Variants in PPP2R3A observed in about 807,000 individuals in gnomAD.
The protein encoded by PPP2R3A is serine/threonine-protein phosphatase 2A regulatory subunit B'' subunit alpha.
In PPP2R3A, 80 loss-of-function variants were observed where a neutral mutation model predicts 106.9. The observed-to-expected ratio is 0.75, with a 90% confidence interval of 0.62 to 0.90. The LOEUF is 0.90. Ranked by LOEUF, PPP2R3A falls within the 40% of genes least tolerant of loss-of-function variation. PPP2R3A has a pLI of 0.00. For missense variants in PPP2R3A, 1,386 were observed against 1,350.4 expected, an observed-to-expected ratio of 1.03 and a Z score of -0.41; for synonymous variants, 483 against 468.3, an observed-to-expected ratio of 1.03 and a Z score of -0.41.
At chr3:136,046,652 C>T (rs1286837336) in intron 4 of PPP2R3A, among the ~76,000 whole-genome samples, 1 of 152,196 alleles carries the variant, frequency 6.6e-6, no homozygotes, top group Non-Finnish European at 1.5e-5. Flanking sequence ...CCTGCCCTCA[C>T]AGATGAGAAG....
chr3:136,001,763 C>A lies in PPP2R3A; in HGVS notation c.265C>A (p.Gln89Lys). ...TTCGGCTGAAGGAGACTATCCCCAA[C>A]AGGCCTTCACAGGCATACCCAGGGT... ...LSSAEGDYPQ[Q>K]AFTGIPRVKR... Residue 89 changes from glutamine to lysine, a missense_variant, in exon 2 of 14, where the codon CAG becomes AAG. Transcript: ENST00000264977. 1 of 1,614,164 alleles carries A rather than the reference C, an allele frequency of 6.2e-7. No homozygotes were observed. The highest frequency in any genetic ancestry group is 8.5e-7 in the Non-Finnish European group (1 of 1,180,024).
chr3:136,069,202 A>G (rs1238484608), intron 5 of PPP2R3A, among the ~76,000 whole-genome samples: 3 of 152,178 alleles, frequency 2.0e-5, no homozygotes, highest in Admixed American at 6.5e-5. Context: ...ATTGTTTGTG[A>G]CTTGTTACCA....
intron 3 of PPP2R3A, among the ~76,000 whole-genome samples, chr3:136,035,789 A>G (rs142282983): frequency 0.011 from 1,655 of 152,298 alleles, 24 homozygotes; most frequent in African/African-American, 0.033. Context: ...AGGCTGGGGA[A>G]GTTTTCCTCA....
intron 2 of PPP2R3A, among the ~76,000 whole-genome samples, chr3:136,023,919 T>C (rs921981306): frequency 2.0e-5 from 3 of 152,142 alleles, no homozygotes; most frequent in African/African-American, 7.2e-5. Flanking sequence ...TCAAGGACTG[T>C]ACAAATGCTG....
At chr3:136,124,486 A>G (rs573257841) in intron 13 of PPP2R3A, among the ~76,000 whole-genome samples, 3 of 152,312 alleles carry the variant, frequency 2.0e-5, no homozygotes, top group South Asian at 4.1e-4. Context: ...CTTGTCTCAA[A>G]AAAGAAAGAA....
At chr3:136,074,065 T>C (rs1936523334) in intron 6 of PPP2R3A, among the ~76,000 whole-genome samples, 1 of 152,218 alleles carries the variant, frequency 6.6e-6, no homozygotes, top group Non-Finnish European at 1.5e-5. Flanking sequence ...CTATTGAATG[T>C]TATATAATCT....
chr3:136,069,739 G>A (rs1180688932), intron 5 of PPP2R3A, among the ~76,000 whole-genome samples: 3 of 152,134 alleles, frequency 2.0e-5, no homozygotes, highest in Non-Finnish European at 4.4e-5. Context: ...CCAGTTAATA[G>A]ACTATATCTG....
Position 136,006,914 on chromosome 3 carries a change from C to T in PPP2R3A, c.1995+3421C>T, listed in dbSNP as rs140365065. Among the ~76,000 whole-genome samples the T allele has an allele frequency of 7.2e-5, 11 of 152,284 alleles. No homozygotes were observed. The East Asian group carries it at 1.7e-3, about 24-fold the overall frequency. ...ATATAAAGGGAAATTGCAGACTGCT[C>T]TGCTTATATTATTATGAATTCCAAG... On this transcript the variant is annotated intron_variant, in intron 2 of 13. Coordinates refer to ENST00000264977, the MANE Select transcript of PPP2R3A (RefSeq NM_002718.5).
chr3:136,066,511 G>A (rs192364846), intron 5 of PPP2R3A, among the ~76,000 whole-genome samples: 10 of 152,244 alleles, frequency 6.6e-5, no homozygotes, highest in Non-Finnish European at 1.3e-4. Context: ...ACAGATACTA[G>A]GTAATTTATA....
intron 1 of PPP2R3A, among the ~76,000 whole-genome samples, chr3:135,988,483 C>A (rs1050658568): frequency 2.0e-5 from 3 of 152,088 alleles, no homozygotes; most frequent in African/African-American, 7.2e-5. Context: ...GTAGTCTGTT[C>A]TCATCCTAAC....
At chr3:136,013,721 A>G (rs1482662728) in intron 2 of PPP2R3A, among the ~76,000 whole-genome samples, 1 of 151,640 alleles carries the variant, frequency 6.6e-6, no homozygotes, top group Non-Finnish European at 1.5e-5. Flanking sequence ...TTTCTTGCTG[A>G]TTTGTTTTGA....
chr3:136,114,550 G>A (rs1462264624), intron 13 of PPP2R3A, among the ~76,000 whole-genome samples: 2 of 152,154 alleles, frequency 1.3e-5, no homozygotes, highest in Non-Finnish European at 2.9e-5. Context: ...AATTCTTGCT[G>A]CCAGCACAAC....
intron 13 of PPP2R3A, among the ~76,000 whole-genome samples, chr3:136,134,304 G>A (rs921639283): frequency 6.6e-6 from 1 of 152,148 alleles, no homozygotes; most frequent in Non-Finnish European, 1.5e-5. Flanking sequence ...ACAATATGTA[G>A]CAACAACTTG....
At chr3:136,093,410 A>G (rs1176105542) in intron 10 of PPP2R3A, among the ~76,000 whole-genome samples, 1 of 152,192 alleles carries the variant, frequency 6.6e-6, no homozygotes, top group Non-Finnish European at 1.5e-5. Context: ...CCTCATCTCA[A>G]AAAAAAGAAA....
At chr3:135,990,542 G>C (rs549197543) in intron 1 of PPP2R3A, among the ~76,000 whole-genome samples, 1 of 152,046 alleles carries the variant, frequency 6.6e-6, no homozygotes, top group Non-Finnish European at 1.5e-5. Context: ...ATAAATTAAT[G>C]AATAAAGTCC....
chr3:136,136,069 AAAAATTATATATAT>A (rs1559940223), intron 13 of PPP2R3A, among the ~76,000 whole-genome samples: 4 of 50,626 alleles, frequency 7.9e-5, no homozygotes, highest in Non-Finnish European at 4.1e-5. Context: ...AAAAAAAAAA[AAAAATTATATATAT>A]ATATATATAT....
At chr3:136,041,892 A>T (rs6771224) in intron 4 of PPP2R3A, among the ~76,000 whole-genome samples, 5 of 151,760 alleles carry the variant, frequency 3.3e-5, no homozygotes, top group African/African-American at 7.3e-5. Context: ...TTTAGGAGTT[A>T]TTTTTTGGTA....
intron 4 of PPP2R3A, among the ~76,000 whole-genome samples, chr3:136,043,328 G>A (rs1333686559): frequency 3.3e-5 from 5 of 152,180 alleles, no homozygotes; most frequent in South Asian, 4.1e-4. Context: ...GCAAGATGGC[G>A]GGCACCTGTA....
chr3:136,106,157 T>G, intron 12 of PPP2R3A, 59 bp from the exon 13 acceptor site: 2 of 1,376,504 alleles, frequency 1.5e-6, no homozygotes, highest in Non-Finnish European at 2.0e-6. Flanking sequence ...TGATGATCTA[T>G]CTCCAATTCT....
Sources: gnomAD v4.1 joint callset for allele counts (sites outside exome capture counted in the v4.1 genomes callset) on GRCh38, gnomAD v4.1.1 for gene constraint, MANE v1.5 for transcripts, NCBI Gene and HGNC (gene_info 2026-07-23, HGNC 2026-07-21) for gene names.